LMO4: variants seen among roughly 807,000 people sequenced by gnomAD.
LMO4 encodes LIM domain only 4.
A neutral mutation model predicts 18.5 loss-of-function variants in LMO4; 3 were observed. The ratio of observed to expected loss-of-function variants is 0.16; its 90% CI spans 0.07 to 0.42. The LOEUF is 0.42. Ranked by LOEUF, LMO4 falls within the 10% of genes least tolerant of loss-of-function variation. The pLI, the probability that LMO4 is intolerant of heterozygous loss-of-function variation, is 0.99. For synonymous variants in LMO4, 100 were observed against 88.1 expected (o/e 1.14, Z -0.76); for missense variants, 121 against 219.9 (o/e 0.55, Z 2.84).
intron 2 of LMO4, 147 bp from the exon 3 acceptor site, chr1:87,339,389 A>G: frequency 1.7e-6 from 1 of 601,650 alleles, no homozygotes; most frequent in Non-Finnish European, 2.9e-6. Context: ...AGATTATGTA[A>G]ATCACTCAGA....
At position 87,345,339 on chromosome 1, in the gene LMO4, G is replaced by A. The variant is rs1034796165; in HGVS notation, c.*543G>A. 6.6e-6 allele frequency: 1 copy of A among 151,744 alleles called. No homozygotes were observed. Among genetic ancestry groups the A allele is most frequent in the Non-Finnish European group, 1.5e-5 (1 of 67,958 alleles). 9.4% of individuals were successfully genotyped at this position (151,744 alleles called of 1,614,324 possible). On this transcript the variant is annotated 3_prime_UTR_variant, in exon 5 of 5. Transcript: ENST00000370544. The stretch of plus-strand genomic sequence containing the variant: ...TGTATCTCTGTAAAATACAATGTAT[G>A]TATGCATGTAAGTGTTTTTGTCCTA...
intron 2 of LMO4, among the ~76,000 whole-genome samples, chr1:87,337,799 C>G (rs992787609): frequency 6.6e-6 from 1 of 152,182 alleles, no homozygotes; most frequent in African/African-American, 2.4e-5. Flanking sequence ...GGTGAGACAC[C>G]GGGAGGTCCT....
rs745707843 is a variant in LMO4, at chr1:87,346,630, T to C, written c.*1834T>C. On this transcript the variant is annotated 3_prime_UTR_variant, in exon 5 of 5. Coordinates refer to ENST00000370544, the MANE Select transcript of LMO4 (RefSeq NM_006769.4). The stretch of plus-strand genomic sequence containing the variant: ...CCCTTTGAGAACTTCTGTGCTCACT[T>C]CCTGTTTTCAGAGATTCCAGGGCAG... The C allele has an allele frequency of 6.9e-6, 1 of 144,126 alleles. No individual in the cohort carries two copies. The highest frequency in any genetic ancestry group is 3.0e-5 in the African/African-American group (1 of 33,836). 8.9% of individuals were successfully genotyped at this position (144,126 alleles called of 1,614,324 possible). A position where few individuals can be genotyped will look rare whatever the true frequency, so the allele number is the denominator to read the frequency against.
chr1:87,331,551 T>A (rs1444957017), intron 1 of LMO4: 4 of 166,906 alleles, frequency 2.4e-5, no homozygotes, highest in African/African-American at 9.6e-5. Context: ...CTCTCGGCTC[T>A]GTCCCGGGGC....
chr1:87,334,590 C>A (rs1489367425), intron 2 of LMO4, among the ~76,000 whole-genome samples: 2 of 152,184 alleles, frequency 1.3e-5, no homozygotes, highest in Non-Finnish European at 2.9e-5. Context: ...CCGACTGAGA[C>A]CACATAGCGA....
rs1203210939 is a variant in LMO4 at position 87,332,102 on chromosome 1, G to A, written c.87G>A (p.Lys29=). 1.9e-6 allele frequency: 3 copies of A among 1,614,114 alleles called. No individual in the cohort carries two copies. The Admixed American group carries it at 5.0e-5, about 27-fold the overall frequency. Residue 29 remains lysine, a synonymous_variant, in exon 2 of 5, where the codon AAG becomes AAA. Coordinates refer to ENST00000370544, the MANE Select transcript of LMO4 (RefSeq NM_006769.4). ...SWKRCAGCGG[K]IADRFLLYAM... The stretch of plus-strand genomic sequence containing the variant: ...AGCGGTGCGCAGGCTGCGGGGGCAA[G>A]ATTGCGGACCGCTTTCTGCTCTATG...
At chr1:87,333,938 C>G (rs1220987633) in intron 2 of LMO4, among the ~76,000 whole-genome samples, 2 of 147,750 alleles carry the variant, frequency 1.4e-5, no homozygotes, top group Non-Finnish European at 3.0e-5. Flanking sequence ...TCTCCGAGTG[C>G]CTTCAAAAAA....
chr1:87,344,853 G>C lies in LMO4; in HGVS notation c.*57G>C. The C allele has an allele frequency of 6.4e-7, 1 of 1,571,882 alleles. No homozygotes were observed. The highest frequency in any genetic ancestry group is 8.8e-7 in the Non-Finnish European group (1 of 1,141,968). ...ATCTCAGATTTGTTCATCACAGGTG[G>C]ATCCCATGTGTCTTCAGTAGACAAG... On this transcript the variant is annotated 3_prime_UTR_variant, in exon 5 of 5. Coordinates refer to ENST00000370544, the MANE Select transcript of LMO4 (RefSeq NM_006769.4).
At chr1:87,333,819 G>A (rs1650218728) in intron 2 of LMO4, among the ~76,000 whole-genome samples, 1 of 152,016 alleles carries the variant, frequency 6.6e-6, no homozygotes, top group Admixed American at 6.5e-5. Context: ...GAGCTTTGAC[G>A]GTGCTGTAAT....
At position 87,343,614 on chromosome 1, in the gene LMO4, T is replaced by C. The variant is rs561729855; in HGVS notation, c.490-1174T>C. Among the ~76,000 whole-genome samples, 19 of 152,344 alleles carry C rather than the reference T, an allele frequency of 1.2e-4. 1 individual carries two copies. In the South Asian group the frequency reaches 3.9e-3, roughly 32 times the overall value. Reference sequence around the variant, plus strand: ...AATTTAGTGAGTGTTCTAGTCTACATGTCACTTCGCAGTTCCCCCATAGTT... The same window carrying C: ...AATTTAGTGAGTGTTCTAGTCTACACGTCACTTCGCAGTTCCCCCATAGTT... On this transcript the variant is annotated intron_variant, in intron 4 of 4. Transcript: ENST00000370544.
At position 87,348,401 on chromosome 1, in the gene LMO4, G is replaced by T. The variant is rs1650694050; in HGVS notation, c.*3605G>T. The T allele has an allele frequency of 1.0e-5, 3 of 286,322 alleles. No homozygotes were observed. Among genetic ancestry groups the T allele is most frequent in the African/African-American group, 2.2e-5 (1 of 46,046 alleles). The allele number at this position is 286,322 out of a possible 1,614,324, so 17.7% of individuals were successfully genotyped here. Reference sequence around the variant, plus strand: ...TTACTAAGACTCACCTATTGTTAGTGCAGCCAAGTCACAGAAGTGCTTATT... The same window carrying T: ...TTACTAAGACTCACCTATTGTTAGTTCAGCCAAGTCACAGAAGTGCTTATT... On this transcript the variant is annotated 3_prime_UTR_variant, in exon 5 of 5. Coordinates refer to ENST00000370544, the MANE Select transcript of LMO4 (RefSeq NM_006769.4).
chr1:87,343,807 G>A (rs1296801502), intron 4 of LMO4, among the ~76,000 whole-genome samples: 4 of 152,210 alleles, frequency 2.6e-5, no homozygotes, highest in African/African-American at 9.7e-5. Context: ...TAGCTTGGAA[G>A]TAGGGGGTTG....
At position 87,347,133 on chromosome 1, in the gene LMO4, T is replaced by G. The variant is rs943352644; in HGVS notation, c.*2337T>G. Reference sequence around the variant, plus strand: ...ACTGCTGCGTATTTAATAATGAGCTTCTAAAAGCATTTCTTAAGTTGCAGA... The same window carrying G: ...ACTGCTGCGTATTTAATAATGAGCTGCTAAAAGCATTTCTTAAGTTGCAGA... On this transcript the variant is annotated 3_prime_UTR_variant, in exon 5 of 5. Transcript: ENST00000370544. 6.6e-6 allele frequency: 1 copy of G among 152,238 alleles called. No individual in the cohort carries two copies. The highest frequency in any genetic ancestry group is 1.5e-5 in the Non-Finnish European group (1 of 68,048). 9.4% of individuals were successfully genotyped at this position (152,238 alleles called of 1,614,324 possible). A position where few individuals can be genotyped will look rare whatever the true frequency, so the allele number is the denominator to read the frequency against.
At position 87,345,948 on chromosome 1, in the gene LMO4, G is replaced by A. The variant is rs937427447; in HGVS notation, c.*1152G>A. ...AGCCTTGGGTATTGATGAAAAGTATGTATAAAAAAAAATACGGCACAACCA... is the reference window on the plus strand; with the variant it reads ...AGCCTTGGGTATTGATGAAAAGTATATATAAAAAAAAATACGGCACAACCA... On this transcript the variant is annotated 3_prime_UTR_variant, in exon 5 of 5. Transcript: ENST00000370544. The A allele has an allele frequency of 6.6e-6, 1 of 152,036 alleles. No individual in the cohort carries two copies. Among genetic ancestry groups the A allele is most frequent in the African/African-American group, 2.4e-5 (1 of 41,392 alleles). The allele number at this position is 152,036 out of a possible 1,614,324, so 9.4% of individuals were successfully genotyped here. A position where few individuals can be genotyped will look rare whatever the true frequency, so the allele number is the denominator to read the frequency against.
rs1210270854 is a variant in LMO4 at position 87,346,186 on chromosome 1, T to TG, written c.*1391dup. ...TTGTTTTGCTCCTACACTTCTTTAC[T>TG]GACTGCGTTTCCGTATGTATTTTGG... On this transcript the variant is annotated 3_prime_UTR_variant, in exon 5 of 5. Transcript: ENST00000370544. 1 of 152,240 alleles carries TG rather than the reference T, an allele frequency of 6.6e-6. No individual in the cohort carries two copies. The highest frequency in any genetic ancestry group is 1.5e-5 in the Non-Finnish European group (1 of 68,054). The allele number at this position is 152,240 out of a possible 1,614,324, so 9.4% of individuals were successfully genotyped here.
chr1:87,330,684 G>A (rs1650112558), intron 1 of LMO4, among the ~76,000 whole-genome samples: 1 of 152,116 alleles, frequency 6.6e-6, no homozygotes, highest in Non-Finnish European at 1.5e-5. Context: ...GGCAAAGTTC[G>A]CCTTCTTCTG....
chr1:87,344,876 A>G lies in LMO4; in HGVS notation c.*80A>G. The G allele has an allele frequency of 6.9e-7, 1 of 1,441,974 alleles. No individual in the cohort carries two copies. Among genetic ancestry groups the G allele is most frequent in the South Asian group, 1.1e-5 (1 of 87,192 alleles). 89.3% of individuals were successfully genotyped at this position (1,441,974 alleles called of 1,614,324 possible). ...TGGATCCCATGTGTCTTCAGTAGAC[A>G]AGTCACCTTTGTAGCTAGCACCAGT... On this transcript the variant is annotated 3_prime_UTR_variant, in exon 5 of 5. Transcript: ENST00000370544.
chr1:87,329,728 G>C (rs987364535), intron 1 of LMO4, among the ~76,000 whole-genome samples: 1 of 152,090 alleles, frequency 6.6e-6, no homozygotes, highest in Non-Finnish European at 1.5e-5. Flanking sequence ...ATTCTTCTTG[G>C]CTTATAAGTC....
chr1:87,346,415 A>G lies in LMO4; in HGVS notation c.*1619A>G, dbSNP rs1025248237. ...TGCCAGCTTCCTTAGATGTGAGCAA[A>G]TTTCAACTACAACTTCCATCACAGG... On this transcript the variant is annotated 3_prime_UTR_variant, in exon 5 of 5. Coordinates refer to ENST00000370544, the MANE Select transcript of LMO4 (RefSeq NM_006769.4). 6.6e-6 allele frequency: 1 copy of G among 152,230 alleles called. No homozygotes were observed. The highest frequency in any genetic ancestry group is 6.5e-5 in the Admixed American group (1 of 15,286). 9.4% of individuals were successfully genotyped at this position (152,230 alleles called of 1,614,324 possible). A position where few individuals can be genotyped will look rare whatever the true frequency, so the allele number is the denominator to read the frequency against.
Sources: allele counts gnomAD v4.1 joint callset (sites outside exome capture counted in the v4.1 genomes callset), GRCh38; gene constraint gnomAD v4.1.1; transcripts MANE v1.5; gene names NCBI Gene and HGNC (gene_info 2026-07-23, HGNC 2026-07-21).